The following ARHGAP15 variants were observed in gnomAD, a reference collection of about 807,000 sequenced individuals.
ARHGAP15 encodes the protein rho GTPase-activating protein 15.
Under a neutral mutation model 63.7 loss-of-function variants are expected in ARHGAP15, and 51 were observed. The observed-to-expected ratio is 0.80, with a 90% CI of 0.64 to 1.01. ARHGAP15 has a LOEUF of 1.01. Ranked by LOEUF, ARHGAP15 falls within the 50% of genes least tolerant of loss-of-function variation. ARHGAP15 has a pLI of 0.00. For missense variants in ARHGAP15, 560 were observed against 564.6 expected (o/e 0.99, Z 0.08); for synonymous variants, 191 against 193.8 (o/e 0.99, Z 0.12).
chr2:143,154,068 C>T (rs1339488500), intron 1 of ARHGAP15, among the ~76,000 whole-genome samples: 1 of 151,528 alleles, frequency 6.6e-6, no homozygotes, highest in African/African-American at 2.4e-5. Context: ...TATGGGTCTT[C>T]TTTTGGGAAT....
At chr2:143,255,668 C>T (rs1256852580) in intron 6 of ARHGAP15, among the ~76,000 whole-genome samples, 1 of 151,856 alleles carries the variant, frequency 6.6e-6, no homozygotes, top group Admixed American at 6.6e-5. Flanking sequence ...GTGCTTTTAT[C>T]CATTTCCTTG....
intron 10 of ARHGAP15, among the ~76,000 whole-genome samples, chr2:143,552,940 C>T (rs544393276): frequency 6.6e-5 from 10 of 152,202 alleles, no homozygotes; most frequent in South Asian, 4.2e-4. Flanking sequence ...AAAAATCATA[C>T]GACGTCTAAT....
intron 6 of ARHGAP15, among the ~76,000 whole-genome samples, chr2:143,256,603 A>G (rs1013302770): frequency 6.6e-6 from 1 of 152,102 alleles, no homozygotes; most frequent in Admixed American, 6.6e-5. Context: ...CCCCAAGTGA[A>G]AGAGGGACAA....
At chr2:143,479,729 A>G (rs1363743250) in intron 8 of ARHGAP15, among the ~76,000 whole-genome samples, 1 of 151,712 alleles carries the variant, frequency 6.6e-6, no homozygotes, top group Non-Finnish European at 1.5e-5. Flanking sequence ...GAATCTTTAC[A>G]TTTTACACTG....
At chr2:143,459,032 C>T (rs1344567172) in intron 8 of ARHGAP15, among the ~76,000 whole-genome samples, 1 of 152,042 alleles carries the variant, frequency 6.6e-6, no homozygotes, top group Non-Finnish European at 1.5e-5. Flanking sequence ...CAGCTGGTCT[C>T]AATGCTTGGA....
intron 6 of ARHGAP15, among the ~76,000 whole-genome samples, chr2:143,310,114 T>G (rs1251066674): frequency 6.6e-6 from 1 of 152,084 alleles, no homozygotes; most frequent in Non-Finnish European, 1.5e-5. Flanking sequence ...GCTAATGTAC[T>G]TCATTGCATT....
At chr2:143,756,501 C>A (rs532007167) in intron 13 of ARHGAP15, among the ~76,000 whole-genome samples, 70 of 152,200 alleles carry the variant, frequency 4.6e-4, no homozygotes, top group African/African-American at 1.6e-3. Flanking sequence ...AAATGCAGAG[C>A]GATGCCTTCC....
At chr2:143,277,430 G>A (rs750521862) in intron 6 of ARHGAP15, among the ~76,000 whole-genome samples, 12 of 151,836 alleles carry the variant, frequency 7.9e-5, no homozygotes, top group Non-Finnish European at 1.6e-4. Context: ...ATATGTGCTT[G>A]ACACATAGAT....
At chr2:143,391,047 T>A (rs888559759) in intron 6 of ARHGAP15, among the ~76,000 whole-genome samples, 1 of 152,018 alleles carries the variant, frequency 6.6e-6, no homozygotes, top group Non-Finnish European at 1.5e-5. Flanking sequence ...AAGTTCACAG[T>A]GGAGGTGGAA....
intron 13 of ARHGAP15, among the ~76,000 whole-genome samples, chr2:143,726,944 CACT>C (rs915115028): frequency 2.0e-5 from 3 of 152,154 alleles, no homozygotes; most frequent in Non-Finnish European, 2.9e-5. Context: ...AAAGGCTGGT[CACT>C]ATATAGATAT....
At chr2:143,359,074 T>C (rs1179558673) in intron 6 of ARHGAP15, among the ~76,000 whole-genome samples, 2 of 152,136 alleles carry the variant, frequency 1.3e-5, no homozygotes, top group Non-Finnish European at 2.9e-5. Flanking sequence ...AATAGTATGA[T>C]ATGAGAAATA....
intron 8 of ARHGAP15, among the ~76,000 whole-genome samples, chr2:143,473,360 A>G (rs1188102798): frequency 6.6e-6 from 1 of 152,172 alleles, no homozygotes; most frequent in South Asian, 2.1e-4. Context: ...GCTGTGCCAG[A>G]GTGCAAACAG....
At chr2:143,650,255 G>T (rs565875295) in intron 12 of ARHGAP15, among the ~76,000 whole-genome samples, 2 of 151,912 alleles carry the variant, frequency 1.3e-5, no homozygotes, top group East Asian at 3.9e-4. Context: ...ACCTACCTGA[G>T]GTGGCACTAT....
chr2:143,295,959 A>G (rs1682615088), intron 6 of ARHGAP15, among the ~76,000 whole-genome samples: 2 of 151,988 alleles, frequency 1.3e-5, no homozygotes, highest in African/African-American at 4.8e-5. Context: ...GAGTTAAGAA[A>G]TGTGCCTCGC....
intron 9 of ARHGAP15, among the ~76,000 whole-genome samples, chr2:143,493,507 T>G (rs1466882978): frequency 1.3e-5 from 2 of 152,268 alleles, no homozygotes; most frequent in African/African-American, 4.8e-5. Flanking sequence ...CTGATTCATT[T>G]TTCCATTTTG....
chr2:143,724,206 T>TC (rs1355781925), intron 13 of ARHGAP15, among the ~76,000 whole-genome samples: 2 of 151,956 alleles, frequency 1.3e-5, no homozygotes, highest in Non-Finnish European at 2.9e-5. Flanking sequence ...AGTGGAGAGG[T>TC]CACTGGATTC....
At chr2:143,731,089 A>C (rs1265793069) in intron 13 of ARHGAP15, among the ~76,000 whole-genome samples, 1 of 152,094 alleles carries the variant, frequency 6.6e-6, no homozygotes, top group Non-Finnish European at 1.5e-5. Context: ...TATTGGTTTT[A>C]GAGGTGAAAC....
At chr2:143,627,101 C>G (rs1164071230) in intron 12 of ARHGAP15, among the ~76,000 whole-genome samples, 1 of 152,134 alleles carries the variant, frequency 6.6e-6, no homozygotes, top group East Asian at 1.9e-4. Flanking sequence ...AATGGGCTGT[C>G]AACTTGGTCT....
intron 10 of ARHGAP15, among the ~76,000 whole-genome samples, chr2:143,541,167 A>G (rs892759155): frequency 6.6e-6 from 1 of 152,092 alleles, no homozygotes; most frequent in Non-Finnish European, 1.5e-5. Flanking sequence ...AGTTGATCGC[A>G]TCGGTTACTG....
Sources: allele counts gnomAD v4.1 joint callset (sites outside exome capture counted in the v4.1 genomes callset), GRCh38; gene constraint gnomAD v4.1.1; transcripts MANE v1.5; gene names NCBI Gene and HGNC (gene_info 2026-07-23, HGNC 2026-07-21).